TEX11: variants seen among roughly 807,000 people sequenced by gnomAD.
TEX11 encodes the protein testis expressed 11.
TEX11 carries 7 observed loss-of-function variants against 84.4 expected under a neutral mutation model. That is an observed-to-expected ratio of 0.08 (90% CI 0.05 to 0.16). The LOEUF (loss-of-function observed/expected upper bound fraction) is 0.16, where lower values mean the gene tolerates loss of function less well. TEX11 is among the 10% of genes least tolerant of loss of function. The pLI, the probability that TEX11 is intolerant of heterozygous loss-of-function variation, is 1.00. For synonymous variants in TEX11, 264 were observed against 222.8 expected (o/e 1.18, Z -1.64); for missense variants, 551 against 660.5 (o/e 0.83, Z 1.82).
At chrX:70,541,625 G>A (rs1489633633) in intron 28 of TEX11, among the ~76,000 whole-genome samples, 7 of 111,338 alleles carry the variant, frequency 6.3e-5, no homozygotes, top group Non-Finnish European at 1.3e-4. Flanking sequence ...AGGCATGGTG[G>A]CATTTGCCTG....
At chrX:70,560,841 G>C (rs2088359110) in intron 25 of TEX11, among the ~76,000 whole-genome samples, 1 of 100,461 alleles carries the variant, frequency 1.0e-5, no homozygotes, top group African/African-American at 3.7e-5. Flanking sequence ...TCTTGCCTCA[G>C]CCTCCCAAGT....
At chrX:70,784,206 A>G (rs1388485393) in intron 9 of TEX11, among the ~76,000 whole-genome samples, 1 of 112,015 alleles carries the variant, frequency 8.9e-6, no homozygotes, top group African/African-American at 3.2e-5. Flanking sequence ...TCCATCACAT[A>G]AAGAGAACCA....
At chrX:70,739,757 G>A (rs1429638652) in intron 11 of TEX11, among the ~76,000 whole-genome samples, 1 of 111,570 alleles carries the variant, frequency 9.0e-6, no homozygotes, top group Non-Finnish European at 1.9e-5. Flanking sequence ...TCCTTGTCCA[G>A]GAGTGTAGAT....
intron 11 of TEX11, among the ~76,000 whole-genome samples, chrX:70,732,562 G>A (rs745623634): frequency 9.0e-6 from 1 of 111,660 alleles, no homozygotes; most frequent in East Asian, 2.8e-4. Context: ...TTGCTTCAAA[G>A]AGAATAAAAT....
At position 70,529,080 on chromosome X, in the gene TEX11, T is replaced by G; in HGVS notation, c.*15A>C. On this transcript the variant is annotated 3_prime_UTR_variant, in exon 30 of 30. Transcript: ENST00000374333. The stretch of plus-strand genomic sequence containing the variant: ...CTCGGGACAATGTATCTTCTTCATG[T>G]GGCCATGAGCTTGCCTAATCTGACT... 1 of 1,185,038 alleles carries G rather than the reference T, an allele frequency of 8.4e-7. No individual in the cohort carries two copies. Among genetic ancestry groups the G allele is most frequent in the South Asian group, 1.8e-5 (1 of 55,299 alleles).
chrX:70,678,748 C>T, intron 15 of TEX11, 56 bp downstream of exon 15: 1 of 955,350 alleles, frequency 1.0e-6, no homozygotes, highest in Non-Finnish European at 1.5e-6. Context: ...ATAGTGAATG[C>T]ACTATTTTTT....
At position 70,705,122 on chromosome X, in the gene TEX11, T is replaced by A. The variant is rs2090360287; in HGVS notation, c.1004+17496A>T. Reference sequence around the variant, plus strand: ...GATGGCTGTAGATGTGTGGTATTATTTCTGAGGCCTCTGTTCTGTTCCATT... The same window carrying A: ...GATGGCTGTAGATGTGTGGTATTATATCTGAGGCCTCTGTTCTGTTCCATT... On this transcript the variant is annotated intron_variant, in intron 13 of 29. Transcript: ENST00000374333. Among the ~76,000 whole-genome samples, 6 of 111,594 alleles carry A rather than the reference T, an allele frequency of 5.4e-5. No individual in the cohort carries two copies. The East Asian group carries it at 1.7e-3, about 31-fold the overall frequency.
chrX:70,803,653 A>G lies in TEX11; in HGVS notation c.692+3052T>C, dbSNP rs1033903608. Among the ~76,000 whole-genome samples the G allele has an allele frequency of 2.7e-5, 3 of 112,031 alleles. No individual in the cohort carries two copies. The East Asian group carries it at 8.3e-4, about 31-fold the overall frequency. Reference sequence around the variant, plus strand: ...TTTTAGACTGAATGGGTACTTCCAAATTATATATAACCTCTAGTCTAAGAT... The same window carrying G: ...TTTTAGACTGAATGGGTACTTCCAAGTTATATATAACCTCTAGTCTAAGAT... On this transcript the variant is annotated intron_variant, in intron 9 of 29. Coordinates refer to ENST00000374333, the MANE Select transcript of TEX11 (RefSeq NM_031276.3).
At chrX:70,907,381 A>G (rs1047908324) in intron 2 of TEX11, among the ~76,000 whole-genome samples, 1 of 111,675 alleles carries the variant, frequency 9.0e-6, no homozygotes, top group African/African-American at 3.3e-5. Flanking sequence ...CTGCAGAAAG[A>G]CAAAACTCAG....
At chrX:70,643,687 A>G (rs758744759) in intron 17 of TEX11, among the ~76,000 whole-genome samples, 6,169 of 101,919 alleles carry the variant, frequency 0.061, 395 homozygotes, top group African/African-American at 0.2. Flanking sequence ...TCCCTATTTA[A>G]TAAATGGTGC....
At chrX:70,747,443 A>T (rs916504760) in intron 9 of TEX11, among the ~76,000 whole-genome samples, 1 of 112,581 alleles carries the variant, frequency 8.9e-6, no homozygotes, top group Non-Finnish European at 1.9e-5. Flanking sequence ...AACAATAAAA[A>T]CAATAAGCCC....
chrX:70,610,426 G>A (rs1460710674), intron 21 of TEX11, 77 bp downstream of exon 21: 10 of 923,459 alleles, frequency 1.1e-5, no homozygotes, highest in Admixed American at 2.9e-5. Context: ...TAAAGTTGCT[G>A]TGCTTAGTGT....
chrX:70,776,675 T>C (rs1383264844), intron 9 of TEX11, among the ~76,000 whole-genome samples: 1 of 111,197 alleles, frequency 9.0e-6, no homozygotes, highest in East Asian at 2.8e-4. Context: ...AAATATCATA[T>C]GTTCTCACTC....
intron 8 of TEX11, among the ~76,000 whole-genome samples, chrX:70,817,092 T>A (rs2091290262): frequency 1.8e-5 from 2 of 109,792 alleles, no homozygotes; most frequent in African/African-American, 6.6e-5. Flanking sequence ...ACAGACGATA[T>A]CATGGTTTTC....
chrX:70,620,869 G>A (rs2147545934), intron 20 of TEX11, among the ~76,000 whole-genome samples: 1 of 112,112 alleles, frequency 8.9e-6, no homozygotes, highest in East Asian at 2.8e-4. Context: ...CCAACTGTAT[G>A]ACATTCTGGA....
chrX:70,804,898 C>A (rs906935174), intron 9 of TEX11, among the ~76,000 whole-genome samples: 1 of 109,675 alleles, frequency 9.1e-6, no homozygotes, highest in Admixed American at 9.8e-5. Flanking sequence ...CCTAACTCAC[C>A]CTCATTCTTG....
chrX:70,810,741 A>G (rs887488525), intron 8 of TEX11, among the ~76,000 whole-genome samples: 2 of 110,642 alleles, frequency 1.8e-5, no homozygotes, highest in Admixed American at 9.7e-5. Flanking sequence ...GTGTACATCT[A>G]TGTAACAAAC....
chrX:70,716,072 C>T (rs1047221517), intron 13 of TEX11, among the ~76,000 whole-genome samples: 2 of 108,052 alleles, frequency 1.9e-5, no homozygotes, highest in Non-Finnish European at 3.8e-5. Flanking sequence ...ACCCTGTTTG[C>T]CTGGGTATCA....
chrX:70,862,937 G>T (rs1285461855), intron 4 of TEX11, among the ~76,000 whole-genome samples: 1 of 109,243 alleles, frequency 9.2e-6, no homozygotes, highest in Admixed American at 9.9e-5. Context: ...AAAAGAAGAG[G>T]GGAAGTTCGG....
Sources: allele counts gnomAD v4.1 joint callset (sites outside exome capture counted in the v4.1 genomes callset), GRCh38; gene constraint gnomAD v4.1.1; transcripts MANE v1.5; gene names NCBI Gene and HGNC (gene_info 2026-07-23, HGNC 2026-07-21).